The following RASEF variants were observed in gnomAD, a reference collection of about 807,000 sequenced individuals.
The protein encoded by RASEF is RAS and EF-hand domain containing.
In RASEF, 68 loss-of-function variants were observed where a neutral mutation model predicts 90.1. That is an observed-to-expected ratio of 0.75 (90% CI 0.62 to 0.92). The LOEUF (loss-of-function observed/expected upper bound fraction) is 0.92, where lower values mean the gene tolerates loss of function less well. Among genes scored for constraint, RASEF ranks in the 40% least tolerant of loss-of-function variants. RASEF has a pLI of 0.00. For missense variants in RASEF, 949 were observed against 937.2 expected (o/e 1.01, Z -0.16); for synonymous variants, 331 against 345.2 (o/e 0.96, Z 0.46).
chr9:83,031,438 T>G (rs1829645130), intron 1 of RASEF, among the ~76,000 whole-genome samples: 1 of 152,204 alleles, frequency 6.6e-6, no homozygotes, highest in South Asian at 2.1e-4. Context: ...ACATATATTA[T>G]TCATTTAATT....
the RASEF span, among the ~76,000 whole-genome samples, chr9:83,212,256 C>T: frequency 6.6e-6 from 1 of 152,162 alleles, no homozygotes; most frequent in Admixed American, 6.5e-5. Context: ...AATTTCAGCC[C>T]AAGTCTACTG....
chr9:83,218,258 G>A, the RASEF span, among the ~76,000 whole-genome samples: 4 of 152,178 alleles, frequency 2.6e-5, no homozygotes, highest in African/African-American at 7.2e-5. Context: ...GAAATTCTCT[G>A]CGCCTCCCTT....
At chr9:83,003,569 T>C (rs190188185) in intron 9 of RASEF, among the ~76,000 whole-genome samples, 5 of 152,226 alleles carry the variant, frequency 3.3e-5, no homozygotes, top group Non-Finnish European at 7.3e-5. Context: ...CAGCCATCTA[T>C]AAATCAAGCC....
chr9:83,162,247 C>A, the RASEF span, among the ~76,000 whole-genome samples: 1 of 151,966 alleles, frequency 6.6e-6, no homozygotes, highest in Non-Finnish European at 1.5e-5. Context: ...TTAAACGTGT[C>A]AATAATTTTC....
chr9:83,171,593 T>C, the RASEF span, among the ~76,000 whole-genome samples: 10 of 151,980 alleles, frequency 6.6e-5, no homozygotes, highest in South Asian at 1.4e-3. Flanking sequence ...TTTTTATTAC[T>C]GTTTCTTTTT....
the RASEF span, among the ~76,000 whole-genome samples, chr9:83,105,308 T>C: frequency 6.6e-6 from 1 of 152,104 alleles, no homozygotes; most frequent in Admixed American, 6.5e-5. Flanking sequence ...TGAGCAGCAC[T>C]ATGTTAAAAG....
the RASEF span, among the ~76,000 whole-genome samples, chr9:83,153,964 A>G: frequency 3.3e-5 from 5 of 152,200 alleles, no homozygotes; most frequent in African/African-American, 7.2e-5. Flanking sequence ...GGCTGCATGG[A>G]ATAGTGGAGA....
chr9:83,217,825 C>G, the RASEF span, among the ~76,000 whole-genome samples: 5 of 152,108 alleles, frequency 3.3e-5, no homozygotes, highest in Non-Finnish European at 5.9e-5. Flanking sequence ...TTAAACTTTT[C>G]CTATCTCACG....
chr9:83,070,266 A>G, the RASEF span, among the ~76,000 whole-genome samples: 1 of 152,092 alleles, frequency 6.6e-6, no homozygotes, highest in Admixed American at 6.6e-5. Context: ...TTTATTTACC[A>G]TTGCTTCTAT....
chr9:83,171,926 G>T, the RASEF span, among the ~76,000 whole-genome samples: 79 of 151,628 alleles, frequency 5.2e-4, no homozygotes, highest in African/African-American at 1.9e-3. Flanking sequence ...GTTCTGCTCT[G>T]ATCTGTATTC....
upstream of RASEF, chr9:83,063,164 G>C (rs562651808): frequency 1.1e-4 from 43 of 387,172 alleles, no homozygotes; most frequent in East Asian, 1.5e-3. Flanking sequence ...CGCCGAGGTG[G>C]CTCTCGCCAC....
At chr9:83,008,204 C>T (rs749519917) in intron 6 of RASEF, among the ~76,000 whole-genome samples, 1 of 152,156 alleles carries the variant, frequency 6.6e-6, no homozygotes, top group Non-Finnish European at 1.5e-5. Context: ...CCCAAAATGC[C>T]CAGGCTATCA....
chr9:83,129,668 T>C, the RASEF span, among the ~76,000 whole-genome samples: 1 of 152,056 alleles, frequency 6.6e-6, no homozygotes, highest in Non-Finnish European at 1.5e-5. Flanking sequence ...ATGGAGAACA[T>C]AAGGGATGAG....
intron 2 of RASEF, 47 bp from the exon 3 acceptor site, chr9:83,022,473 G>A: frequency 2.2e-6 from 3 of 1,350,136 alleles, no homozygotes; most frequent in Non-Finnish European, 3.2e-6. Context: ...TCTTGAACTT[G>A]AAACATGAAG....
chr9:83,104,523 A>G, the RASEF span, among the ~76,000 whole-genome samples: 1 of 152,216 alleles, frequency 6.6e-6, no homozygotes, highest in African/African-American at 2.4e-5. Context: ...AGAGCACTCA[A>G]TAACCAATGT....
chr9:83,139,044 T>C, the RASEF span, among the ~76,000 whole-genome samples: 1 of 152,142 alleles, frequency 6.6e-6, no homozygotes, highest in Non-Finnish European at 1.5e-5. Context: ...AATGGCAGCA[T>C]TGCAGAATTT....
Position 82,980,886 on chromosome 9 carries a change from T to C in RASEF, c.*1791A>G, listed in dbSNP as rs1249805472. On this transcript the variant is annotated 3_prime_UTR_variant, in exon 17 of 17. Coordinates refer to ENST00000376447, the MANE Select transcript of RASEF (RefSeq NM_152573.4). ...TCATGGCAGAGTTACTGAGGATAGA[T>C]CCAACTTTCCAGCAAAAATATCAGA... 3 of 152,302 alleles carry C rather than the reference T, an allele frequency of 2.0e-5. No homozygotes were observed. Among genetic ancestry groups the C allele is most frequent in the Admixed American group, 1.3e-4 (2 of 15,306 alleles). 9.4% of individuals were successfully genotyped at this position (152,302 alleles called of 1,614,324 possible).
At position 83,002,145 on chromosome 9, in the gene RASEF, A is replaced by C. The variant is rs138550928; in HGVS notation, c.1203-1015T>G. Among the ~76,000 whole-genome samples, 132 of 152,266 alleles carry C rather than the reference A, an allele frequency of 8.7e-4. 1 individual carries two copies. The highest frequency in any genetic ancestry group is 3.0e-3 in the African/African-American group (125 of 41,538). On this transcript the variant is annotated intron_variant, in intron 9 of 16. Coordinates refer to ENST00000376447, the MANE Select transcript of RASEF (RefSeq NM_152573.4). ...CTACACCCTGGGCACCACCCTACCA[A>C]TTTGCTTACACGAATCATTGGAAAG...
intron 16 of RASEF, among the ~76,000 whole-genome samples, chr9:82,984,061 A>C (rs1444626440): frequency 1.3e-5 from 2 of 152,238 alleles, no homozygotes; most frequent in Admixed American, 1.3e-4. Context: ...CACTTAACTG[A>C]AACTAGCGGG....
Sources: allele counts gnomAD v4.1 joint callset (sites outside exome capture counted in the v4.1 genomes callset), GRCh38; gene constraint gnomAD v4.1.1; transcripts MANE v1.5; gene names NCBI Gene and HGNC (gene_info 2026-07-23, HGNC 2026-07-21).